The following KIFAP3 variants were observed in gnomAD, a reference collection of about 807,000 sequenced individuals.
The protein encoded by KIFAP3 is kinesin associated protein 3.
KIFAP3 carries 68 observed loss-of-function variants against 106.5 expected under a neutral mutation model. The observed-to-expected ratio is 0.64, with a 90% CI of 0.53 to 0.78. The LOEUF (loss-of-function observed/expected upper bound fraction) is 0.78, where lower values mean the gene tolerates loss of function less well. Among genes scored for constraint, KIFAP3 ranks in the 30% least tolerant of loss-of-function variants. The probability of loss-of-function intolerance (pLI) is 0.00; values close to 1 mark genes in which losing one functional copy is unlikely to be tolerated. For synonymous variants in KIFAP3, 320 were observed against 311.5 expected (o/e 1.03, Z -0.29); for missense variants, 780 against 941.8 (o/e 0.83, Z 2.25).
chr1:169,931,587 A>T (rs1206194377), intron 19 of KIFAP3, among the ~76,000 whole-genome samples: 1 of 152,214 alleles, frequency 6.6e-6, no homozygotes, highest in African/African-American at 2.4e-5. Context: ...GCAATGCTTC[A>T]TTTCATACCA....
intron 8 of KIFAP3, among the ~76,000 whole-genome samples, chr1:170,029,714 C>A (rs1253299035): frequency 1.3e-5 from 2 of 151,810 alleles, no homozygotes; most frequent in Admixed American, 1.3e-4. Context: ...GCTAAAAGCA[C>A]CCAATATCAA....
chr1:169,954,615 C>T (rs2101845630), intron 18 of KIFAP3, among the ~76,000 whole-genome samples: 1 of 152,174 alleles, frequency 6.6e-6, no homozygotes, highest in East Asian at 1.9e-4. Context: ...TCTAAATAAG[C>T]AATATTTGAC....
At chr1:170,057,064 A>C (rs763341026) in intron 1 of KIFAP3, among the ~76,000 whole-genome samples, 3 of 152,206 alleles carry the variant, frequency 2.0e-5, no homozygotes, top group Non-Finnish European at 4.4e-5. Flanking sequence ...AAGAAACATA[A>C]GAAACTATCT....
intron 10 of KIFAP3, among the ~76,000 whole-genome samples, chr1:170,011,842 A>G (rs1317179622): frequency 6.6e-6 from 1 of 152,124 alleles, no homozygotes; most frequent in Non-Finnish European, 1.5e-5. Context: ...CTGTGTTAGG[A>G]GTTAATGATT....
chr1:170,055,201 G>A, intron 2 of KIFAP3, 104 bp downstream of exon 2: 1 of 948,668 alleles, frequency 1.1e-6, no homozygotes. Context: ...ATGCCTGGAA[G>A]AATGCCATAA....
upstream of KIFAP3, among the ~76,000 whole-genome samples, chr1:170,075,854 C>T (rs185982765): frequency 6.6e-6 from 1 of 152,276 alleles, no homozygotes; most frequent in African/African-American, 2.4e-5. Context: ...CTTACTTCTA[C>T]CAATAGTCTA....
chr1:170,060,968 C>T (rs1671118953), intron 1 of KIFAP3, among the ~76,000 whole-genome samples: 1 of 152,126 alleles, frequency 6.6e-6, no homozygotes, highest in African/African-American at 2.4e-5. Context: ...ATGTAGAAAG[C>T]TGAAAACTGG....
intron 10 of KIFAP3, among the ~76,000 whole-genome samples, chr1:170,004,552 G>A (rs376620821): frequency 0.013 from 1,955 of 151,990 alleles, 24 homozygotes; most frequent in Non-Finnish European, 0.018. Context: ...AAATAATGCC[G>A]CATATCTACA....
chr1:169,953,480 T>G (rs1333828883), intron 19 of KIFAP3, among the ~76,000 whole-genome samples: 1 of 152,142 alleles, frequency 6.6e-6, no homozygotes, highest in Non-Finnish European at 1.5e-5. Context: ...AATCTATATT[T>G]TCCAACTTGA....
intron 5 of KIFAP3, among the ~76,000 whole-genome samples, chr1:170,036,992 T>C (rs1209426345): frequency 1.3e-5 from 2 of 152,160 alleles, no homozygotes; most frequent in South Asian, 2.1e-4. Context: ...ATAAGACAAA[T>C]GTGCAAGACC....
intron 16 of KIFAP3, among the ~76,000 whole-genome samples, chr1:169,972,867 A>G (rs1665990767): frequency 6.6e-6 from 1 of 151,542 alleles, no homozygotes; most frequent in Non-Finnish European, 1.5e-5. Context: ...GTACAAGACC[A>G]CATTTCTGAA....
chr1:169,928,902 TAGA>T (rs533374640), intron 19 of KIFAP3, among the ~76,000 whole-genome samples: 17 of 152,156 alleles, frequency 1.1e-4, no homozygotes, highest in African/African-American at 3.6e-4. Context: ...AATCAGATTG[TAGA>T]AGAAGCTTGC....
intron 18 of KIFAP3, among the ~76,000 whole-genome samples, chr1:169,956,607 GT>G (rs1665024107): frequency 7.7e-6 from 1 of 130,068 alleles, no homozygotes; most frequent in African/African-American, 2.7e-5. Flanking sequence ...TACCACTGAA[GT>G]TCTTTTTTTT....
intron 1 of KIFAP3, among the ~76,000 whole-genome samples, chr1:170,080,461 T>C (rs1672002834): frequency 2.6e-5 from 4 of 152,068 alleles, no homozygotes; most frequent in African/African-American, 7.2e-5. Flanking sequence ...TTACACAATT[T>C]TGAAGAACAA....
chr1:170,007,771 T>G (rs920229436), intron 10 of KIFAP3, among the ~76,000 whole-genome samples: 5 of 152,048 alleles, frequency 3.3e-5, no homozygotes, highest in African/African-American at 1.2e-4. Flanking sequence ...AAAACTACAT[T>G]AAATTTCATA....
At chr1:170,073,346 C>A (rs1160565976) in intron 1 of KIFAP3, among the ~76,000 whole-genome samples, 1 of 152,096 alleles carries the variant, frequency 6.6e-6, no homozygotes, top group East Asian at 1.9e-4. Flanking sequence ...GCCTGTCTTG[C>A]CAGGACAATA....
chr1:170,082,032 G>C (rs1374362872), intron 1 of KIFAP3, among the ~76,000 whole-genome samples: 1 of 152,174 alleles, frequency 6.6e-6, no homozygotes, highest in Non-Finnish European at 1.5e-5. Context: ...CAGTTTTATA[G>C]TTTCTTCAAC....
intron 5 of KIFAP3, among the ~76,000 whole-genome samples, chr1:170,037,045 T>C (rs1669726634): frequency 6.6e-6 from 1 of 152,120 alleles, no homozygotes; most frequent in African/African-American, 2.4e-5. Flanking sequence ...TTTGGAACAT[T>C]TTTCCTACAT....
rs373766268 is a variant in KIFAP3 at position 170,024,557 on chromosome 1, C to T, written c.881G>A (p.Arg294His). Residue 294 changes from arginine to histidine, a missense_variant, in exon 9 of 20, where the codon CGT becomes CAT. Arg to His is a conservative substitution (Grantham distance 29, BLOSUM62 0). Around this residue, in one of 3 missense-constraint regions of KIFAP3, gnomAD observed 588 missense variants for 678.9 expected, o/e 0.87. Transcript: ENST00000361580. ...YLLLNLAEDT[R>H]TELKMRNKNI... ...CTTGTTCCTCATTTTCAGTTCGGTACGAGTATCCTCAGCAAGATTCAGAAG... is the reference window on the plus strand; with the variant it reads ...CTTGTTCCTCATTTTCAGTTCGGTATGAGTATCCTCAGCAAGATTCAGAAG... 5.0e-6 allele frequency: 8 copies of T among 1,592,710 alleles called. No homozygotes were observed. Among genetic ancestry groups the T allele is most frequent in the South Asian group, 2.3e-5 (2 of 86,724 alleles).
Sources: allele counts gnomAD v4.1 joint callset (sites outside exome capture counted in the v4.1 genomes callset), GRCh38; gene constraint gnomAD v4.1.1; regional missense constraint gnomAD v4.1.1; transcripts MANE v1.5; gene names NCBI Gene and HGNC (gene_info 2026-07-23, HGNC 2026-07-21).